Variants in CALD1 observed in about 807,000 individuals in gnomAD.
CALD1 encodes the protein caldesmon 1, also known as caldesmon.
CALD1 carries 33 observed loss-of-function variants against 99.9 expected under a neutral mutation model. The ratio of observed to expected loss-of-function variants is 0.33; its 90% CI spans 0.25 to 0.44. The LOEUF is 0.44. CALD1 is among the 20% of genes least tolerant of loss of function. CALD1 has a pLI of 1.00. For synonymous variants in CALD1, 310 were observed against 325.0 expected, an observed-to-expected ratio of 0.95 and a Z score of 0.50; for missense variants, 861 against 962.1, an observed-to-expected ratio of 0.89 and a Z score of 1.39.
At chr7:134,874,797 A>G in intron 3 of CALD1, among the ~76,000 whole-genome samples, 1 of 152,200 alleles carries the variant, frequency 6.6e-6, no homozygotes. Flanking sequence ...TTGAAAGTAA[A>G]TATTTTTACT....
intron 1 of CALD1, among the ~76,000 whole-genome samples, chr7:134,752,435 A>C (rs1243457620): frequency 2.0e-5 from 3 of 152,208 alleles, no homozygotes; most frequent in African/African-American, 2.4e-5. Context: ...TCTCATCACT[A>C]CCCTAAACCA....
chr7:134,787,249 T>A (rs570679726), intron 1 of CALD1, among the ~76,000 whole-genome samples: 4 of 152,176 alleles, frequency 2.6e-5, no homozygotes, highest in Non-Finnish European at 4.4e-5. Flanking sequence ...ATTTTTCTGA[T>A]GAGATTTCCA....
At chr7:134,797,512 A>G (rs1333771220) in intron 1 of CALD1, among the ~76,000 whole-genome samples, 1 of 152,242 alleles carries the variant, frequency 6.6e-6, no homozygotes, top group Non-Finnish European at 1.5e-5. Flanking sequence ...GAACCTAAGA[A>G]GAGTAGAAGA....
chr7:134,843,126 C>T (rs1799715803), intron 1 of CALD1, among the ~76,000 whole-genome samples: 2 of 152,162 alleles, frequency 1.3e-5, no homozygotes, highest in Admixed American at 1.3e-4. Context: ...CCTTTTCCTT[C>T]CTTACTACCT....
chr7:134,943,340 T>G (rs1460512456), intron 7 of CALD1, among the ~76,000 whole-genome samples: 3 of 152,126 alleles, frequency 2.0e-5, no homozygotes, highest in African/African-American at 7.2e-5. Flanking sequence ...TATGGAACGA[T>G]TTCCACATTA....
At chr7:134,768,039 G>A (rs1189538306) in intron 1 of CALD1, among the ~76,000 whole-genome samples, 1 of 152,216 alleles carries the variant, frequency 6.6e-6, no homozygotes, top group Non-Finnish European at 1.5e-5. Context: ...AAATCCAACA[G>A]CAATGAATAT....
intron 1 of CALD1, among the ~76,000 whole-genome samples, chr7:134,793,803 C>T (rs550515417): frequency 1.4e-4 from 21 of 151,824 alleles, no homozygotes; most frequent in Admixed American, 6.6e-4. Flanking sequence ...TCAACCACTC[C>T]CTCCATTTAT....
chr7:134,863,108 C>A (rs1165431538), intron 2 of CALD1, among the ~76,000 whole-genome samples: 1 of 152,096 alleles, frequency 6.6e-6, no homozygotes, highest in South Asian at 2.1e-4. Flanking sequence ...GGATAAGGGA[C>A]CACCCTAATC....
intron 8 of CALD1, chr7:134,948,005 T>C (rs887933695): frequency 2.5e-6 from 1 of 404,922 alleles, no homozygotes; most frequent in African/African-American, 2.0e-5. Context: ...CACAGAGAGG[T>C]TTTGTTTTTG....
At chr7:134,807,841 T>C (rs1158598396) in intron 1 of CALD1, among the ~76,000 whole-genome samples, 1 of 152,148 alleles carries the variant, frequency 6.6e-6, no homozygotes, top group East Asian at 1.9e-4. Context: ...TTGGCCAGGC[T>C]GGTCTTGAAC....
the CALD1 span, among the ~76,000 whole-genome samples, chr7:134,723,781 C>T: frequency 6.6e-6 from 1 of 152,022 alleles, no homozygotes; most frequent in East Asian, 1.9e-4. Flanking sequence ...GCAAAGAATG[C>T]ACCTGTTCCA....
intron 3 of CALD1, among the ~76,000 whole-genome samples, chr7:134,926,385 C>T (rs1408836409): frequency 6.6e-6 from 1 of 152,182 alleles, no homozygotes; most frequent in Non-Finnish European, 1.5e-5. Context: ...TCAACTATAT[C>T]ACATTGCCCC....
chr7:134,821,781 C>T (rs1389848236), intron 1 of CALD1, among the ~76,000 whole-genome samples: 1 of 151,950 alleles, frequency 6.6e-6, no homozygotes, highest in African/African-American at 2.4e-5. Context: ...TGGGGTTTCA[C>T]CATGTTGGCC....
intron 4 of CALD1, 123 bp from the exon 5 acceptor site, chr7:134,932,865 G>A: frequency 1.6e-6 from 1 of 631,702 alleles, no homozygotes; most frequent in Non-Finnish European, 2.8e-6. Context: ...GTAACGTACT[G>A]GGGATATGGG....
chr7:134,715,657 A>C, the CALD1 span, among the ~76,000 whole-genome samples: 1 of 152,214 alleles, frequency 6.6e-6, no homozygotes, highest in Non-Finnish European at 1.5e-5. Context: ...TGTGTATGAG[A>C]CAGAGTTTAT....
At chr7:134,890,766 GT>G (rs1802122757) in intron 3 of CALD1, among the ~76,000 whole-genome samples, 1 of 152,204 alleles carries the variant, frequency 6.6e-6, no homozygotes, top group African/African-American at 2.4e-5. Flanking sequence ...AGTACCATGG[GT>G]GCAGACGGGG....
the CALD1 span, among the ~76,000 whole-genome samples, chr7:134,737,933 G>A: frequency 3.3e-5 from 5 of 152,138 alleles, no homozygotes; most frequent in African/African-American, 4.8e-5. Flanking sequence ...AACCAAATTC[G>A]TATGTAGAGT....
chr7:134,852,747 C>A (rs1586111787), intron 2 of CALD1, among the ~76,000 whole-genome samples: 1 of 152,126 alleles, frequency 6.6e-6, no homozygotes. Flanking sequence ...TGCTATGTAA[C>A]ATCTGTTTTT....
At chr7:134,768,867 A>G (rs1030047745) in intron 1 of CALD1, among the ~76,000 whole-genome samples, 1 of 152,052 alleles carries the variant, frequency 6.6e-6, no homozygotes, top group Non-Finnish European at 1.5e-5. Flanking sequence ...ATGGCCAACA[A>G]CTATCTTAAA....
Sources: gnomAD v4.1 joint callset for allele counts (sites outside exome capture counted in the v4.1 genomes callset) on GRCh38, gnomAD v4.1.1 for gene constraint, MANE v1.5 for transcripts, NCBI Gene and HGNC (gene_info 2026-07-23, HGNC 2026-07-21) for gene names.